OLFM3: variants seen among roughly 807,000 people sequenced by gnomAD.
The protein encoded by OLFM3 is noelin-3.
In OLFM3, 20 loss-of-function variants were observed where a neutral mutation model predicts 48.6. That is an observed-to-expected ratio of 0.41 (90% CI 0.29 to 0.60). OLFM3 has a LOEUF of 0.60. Among genes scored for constraint, OLFM3 ranks in the 20% least tolerant of loss-of-function variants. OLFM3 has a pLI of 0.28. For synonymous variants in OLFM3, 222 were observed against 198.1 expected (o/e 1.12, Z -1.01); for missense variants, 437 against 544.3 (o/e 0.80, Z 1.96).
At chr1:101,925,116 G>A (rs1259224572) in intron 1 of OLFM3, among the ~76,000 whole-genome samples, 1 of 152,070 alleles carries the variant, frequency 6.6e-6, no homozygotes, top group African/African-American at 2.4e-5. Flanking sequence ...CCAGGTTATG[G>A]GTTTTCATAA....
At chr1:101,961,671 C>G (rs1466564532) in intron 1 of OLFM3, among the ~76,000 whole-genome samples, 1 of 151,904 alleles carries the variant, frequency 6.6e-6, no homozygotes, top group East Asian at 1.9e-4. Flanking sequence ...CTGCAGACAG[C>G]GAGGAGAGAC....
In OLFM3 at chr1:101,813,288, AG is replaced by A. The variant is rs368774202; in HGVS notation, c.593-7107del. 274 of 250,716 alleles carry A rather than the reference AG, an allele frequency of 1.1e-3. 1 individual carries two copies. Among genetic ancestry groups the A allele is most frequent in the African/African-American group, 5.3e-3 (230 of 43,272 alleles). 15.5% of individuals were successfully genotyped at this position (250,716 alleles called of 1,614,324 possible). A position where few individuals can be genotyped will look rare whatever the true frequency, so the allele number is the denominator to read the frequency against. ...TCAGTCATGAGTACTGTACCATAAC[AG>A]CATTCCGTTAAGACAGTCTTCTTAG... On this transcript the variant is annotated intron_variant, in intron 4 of 5. Transcript: ENST00000370103.
chr1:101,934,389 G>A (rs990218669), intron 1 of OLFM3, among the ~76,000 whole-genome samples: 8 of 152,260 alleles, frequency 5.3e-5, no homozygotes, highest in African/African-American at 1.9e-4. Context: ...TTGCATAATT[G>A]TAAGGGGTTC....
chr1:101,881,933 T>A (rs1290453008), intron 1 of OLFM3, among the ~76,000 whole-genome samples: 1 of 151,844 alleles, frequency 6.6e-6, no homozygotes, highest in Non-Finnish European at 1.5e-5. Context: ...TAGGGTGTAC[T>A]GTATGTAGTC....
intron 1 of OLFM3, among the ~76,000 whole-genome samples, chr1:101,854,121 C>A (rs1191432251): frequency 6.6e-6 from 1 of 151,438 alleles, no homozygotes; most frequent in African/African-American, 2.4e-5. Flanking sequence ...TCATGTTGTA[C>A]ACCCTCAATA....
intron 1 of OLFM3, among the ~76,000 whole-genome samples, chr1:101,863,971 C>T (rs1656759199): frequency 1.3e-5 from 2 of 152,284 alleles, no homozygotes; most frequent in African/African-American, 4.8e-5. Flanking sequence ...CTCTGAGCAA[C>T]TTGATGCTTC....
chr1:101,854,675 G>A (rs528928322), intron 1 of OLFM3, among the ~76,000 whole-genome samples: 2 of 152,034 alleles, frequency 1.3e-5, no homozygotes, highest in African/African-American at 4.8e-5. Flanking sequence ...CTTCAAATAG[G>A]AAATAAAGAT....
intron 1 of OLFM3, among the ~76,000 whole-genome samples, chr1:101,983,617 C>G (rs77085877): frequency 0.017 from 2,542 of 152,266 alleles, 42 homozygotes; most frequent in Middle Eastern, 0.041. Flanking sequence ...TCCAGCCTAT[C>G]CCATGTGATA....
At chr1:101,947,929 A>G (rs974662406) in intron 1 of OLFM3, among the ~76,000 whole-genome samples, 2 of 152,182 alleles carry the variant, frequency 1.3e-5, no homozygotes, top group African/African-American at 4.8e-5. Context: ...CATGTTGTCA[A>G]TTAGTGTTAT....
chr1:101,896,082 T>C lies in OLFM3; in HGVS notation c.70-59057A>G, dbSNP rs529575224. On this transcript the variant is annotated intron_variant, in intron 1 of 5. Coordinates refer to ENST00000370103, the MANE Select transcript of OLFM3 (RefSeq NM_058170.4). ...TACAAAGATATGCAACAATAATTTA[T>C]AAAGATTAGGAATAAATTTATTATT... Among the ~76,000 whole-genome samples the C allele has an allele frequency of 2.6e-5, 4 of 152,054 alleles. No homozygotes were observed. The South Asian group carries it at 8.3e-4, about 32-fold the overall frequency.
chr1:101,826,929 A>T (rs542991202), intron 3 of OLFM3, among the ~76,000 whole-genome samples: 1 of 152,320 alleles, frequency 6.6e-6, no homozygotes, highest in African/African-American at 2.4e-5. Flanking sequence ...AAATGTTGGT[A>T]GCTTTTCTTC....
At chr1:101,951,111 T>G (rs1660133178) in intron 1 of OLFM3, among the ~76,000 whole-genome samples, 1 of 152,226 alleles carries the variant, frequency 6.6e-6, no homozygotes, top group Non-Finnish European at 1.5e-5. Context: ...AGGAACTGTT[T>G]GGATTAGCAC....
chr1:101,898,832 G>C (rs1460188745), intron 1 of OLFM3, among the ~76,000 whole-genome samples: 2 of 152,092 alleles, frequency 1.3e-5, no homozygotes, highest in African/African-American at 4.8e-5. Flanking sequence ...CTGAGTGACA[G>C]AGCAAGACTG....
At chr1:101,845,388 T>C (rs200099884) in intron 1 of OLFM3, among the ~76,000 whole-genome samples, 1 of 150,642 alleles carries the variant, frequency 6.6e-6, no homozygotes, top group African/African-American at 2.4e-5. Context: ...CAGTCAACAA[T>C]AAAAAAAAAC....
At chr1:101,859,101 G>A (rs1435188331) in intron 1 of OLFM3, among the ~76,000 whole-genome samples, 1 of 151,872 alleles carries the variant, frequency 6.6e-6, no homozygotes. Flanking sequence ...CTTGCAGTGG[G>A]GGAAGTGAAA....
At position 101,804,469 on chromosome 1, in the gene OLFM3, C is replaced by T. The variant is rs951739800; in HGVS notation, c.1146G>A (p.Gly382=). ...AGTGGGAGTTGGTGACATACAGTGT[C>T]CCACAGATCATGAAAGATTCCCCTG... is the stretch of plus-strand genomic sequence containing the variant. The part of the protein sequence containing the change: ...RSAGESFMIC[G]TLYVTNSHLT... Residue 382 remains glycine, a synonymous_variant, in exon 6 of 6, where the codon GGG becomes GGA. Coordinates refer to ENST00000370103, the MANE Select transcript of OLFM3 (RefSeq NM_058170.4). The surrounding 1 kb of genome is among the most constrained non-coding windows in gnomAD (Gnocchi z 4.5). 1 of 1,612,566 alleles carries T rather than the reference C, an allele frequency of 6.2e-7. No individual in the cohort carries two copies. Among genetic ancestry groups the T allele is most frequent in the South Asian group, 1.1e-5 (1 of 91,048 alleles).
rs1458491297 is a variant in OLFM3, at chr1:101,920,137, G to T, written c.69+76611C>A. On this transcript the variant is annotated intron_variant, in intron 1 of 5. Transcript: ENST00000370103. ...GATTATTTCCCTGATTTCCTAATTG[G>T]TCTCTCTGTTTGTGTTGCTTCCCTA... Among the ~76,000 whole-genome samples, 3 of 152,092 alleles carry T rather than the reference G, an allele frequency of 2.0e-5. No individual in the cohort carries two copies. In the East Asian group the frequency reaches 5.8e-4, roughly 29 times the overall value.
At chr1:101,962,004 T>G (rs1264883558) in intron 1 of OLFM3, among the ~76,000 whole-genome samples, 2 of 152,188 alleles carry the variant, frequency 1.3e-5, no homozygotes, top group African/African-American at 2.4e-5. Flanking sequence ...ATTTTTCATT[T>G]TATTCACCAA....
chr1:101,915,659 A>C (rs1449726098), intron 1 of OLFM3, among the ~76,000 whole-genome samples: 1 of 152,150 alleles, frequency 6.6e-6, no homozygotes, highest in Non-Finnish European at 1.5e-5. Flanking sequence ...TAAAGTAATA[A>C]TCATCTTTGC....
Sources: allele counts gnomAD v4.1 joint callset (sites outside exome capture counted in the v4.1 genomes callset), GRCh38; gene constraint gnomAD v4.1.1; non-coding constraint Gnocchi (gnomAD v3.1); transcripts MANE v1.5; gene names NCBI Gene and HGNC (gene_info 2026-07-23, HGNC 2026-07-21).